Variants in MND1 observed in about 807,000 individuals in gnomAD.
MND1 encodes meiotic nuclear divisions 1.
Under a neutral mutation model 35.1 loss-of-function variants are expected in MND1, and 28 were observed. That is an observed-to-expected ratio of 0.80 (90% confidence interval 0.59 to 1.09). The LOEUF is 1.09. Ranked by LOEUF, MND1 falls within the 50% of genes least tolerant of loss-of-function variation. MND1 has a pLI of 0.00. For synonymous variants in MND1, 69 were observed against 70.5 expected (o/e 0.98, Z 0.11); for missense variants, 213 against 239.6 (o/e 0.89, Z 0.73).
intron 5 of MND1, among the ~76,000 whole-genome samples, chr4:153,395,165 T>C (rs1204798138): frequency 6.6e-6 from 1 of 152,246 alleles, no homozygotes; most frequent in Non-Finnish European, 1.5e-5. Flanking sequence ...AATTGGAGAA[T>C]AGTCATTTCT....
chr4:153,390,725 G>C (rs1465416908), intron 4 of MND1, among the ~76,000 whole-genome samples: 1 of 152,110 alleles, frequency 6.6e-6, no homozygotes, highest in Non-Finnish European at 1.5e-5. Flanking sequence ...GCATGTGTCT[G>C]TGGTTCCAGC....
Position 153,393,924 on chromosome 4 carries a change from C to CTTTTTTT in MND1, c.277-320_277-314dup, listed in dbSNP as rs36028750. On this transcript the variant is annotated intron_variant, in intron 4 of 7. Transcript: ENST00000240488. ...CCAGTATAGTGTTTGACTTTGTTTT[C>CTTTTTTT]TTTTTTTTTTTTTTTTTTTTTTTTG... Among the ~76,000 whole-genome samples the CTTTTTTT allele has an allele frequency of 4.4e-3, 246 of 56,484 alleles. 30 individuals carry two copies. The highest frequency in any genetic ancestry group is 6.0e-3 in the South Asian group (7 of 1,164). The allele number at this position is 56,484 out of a possible 152,430, so 37.1% of individuals were successfully genotyped here. A position where few individuals can be genotyped will look rare whatever the true frequency, so the allele number is the denominator to read the frequency against.
rs1220322188 is a variant in MND1, at chr4:153,405,375, T to TA, written c.467-3591dup. On this transcript the variant is annotated intron_variant, in intron 6 of 7. Transcript: ENST00000240488. ...TAACACGGTGAAACCCCATCTCTAC[T>TA]AAAAATATAAAAAATTAGCCAGGCG... Among the ~76,000 whole-genome samples the TA allele has an allele frequency of 5.3e-5, 8 of 151,880 alleles. No homozygotes were observed. In the South Asian group the frequency reaches 1.7e-3, roughly 32 times the overall value.
Position 153,394,253 on chromosome 4 carries a change from A to T in MND1, c.277-9A>T, listed in dbSNP as rs767803768. 1.2e-6 allele frequency: 2 copies of T among 1,610,508 alleles called. No homozygotes were observed. Among genetic ancestry groups the T allele is most frequent in the Non-Finnish European group, 8.5e-7 (1 of 1,177,692 alleles). On this transcript the variant is annotated splice_polypyrimidine_tract_variant and intron_variant, in intron 4 of 7. Transcript: ENST00000240488. ...TAGCAAGCTGTTTTATTTGTTTTTG[A>T]TTCTCTAGTTGTCTGAGGGAAGTCA...
intron 4 of MND1, among the ~76,000 whole-genome samples, chr4:153,372,276 A>G (rs1184083343): frequency 6.6e-6 from 1 of 152,106 alleles, no homozygotes; most frequent in East Asian, 1.9e-4. Context: ...CTTAATTTGT[A>G]GAAAACACGC....
chr4:153,386,796 G>A (rs1728880014), intron 4 of MND1, among the ~76,000 whole-genome samples: 1 of 152,080 alleles, frequency 6.6e-6, no homozygotes, highest in East Asian at 1.9e-4. Context: ...AAATAGCAAG[G>A]CATAAGACAC....
intron 6 of MND1, among the ~76,000 whole-genome samples, chr4:153,401,077 A>G (rs144669629): frequency 0.03 from 4,588 of 152,304 alleles, 108 homozygotes; most frequent in South Asian, 0.14. Context: ...GAAATATCCA[A>G]AATGAAACAC....
chr4:153,384,374 A>G (rs1336172424), intron 4 of MND1, among the ~76,000 whole-genome samples: 2 of 131,136 alleles, frequency 1.5e-5, no homozygotes, highest in African/African-American at 2.9e-5. Context: ...GGCTCAAGTG[A>G]TCCTCATTCC....
chr4:153,364,251 T>G lies in MND1; in HGVS notation c.276+5629T>G, dbSNP rs1773568479. 3.3e-5 allele frequency among the ~76,000 whole-genome samples: 5 copies of G among 152,120 alleles called. 1 individual carries two copies. In the East Asian group the frequency reaches 7.7e-4, roughly 24 times the overall value. ...CCTATGATTCAACAATTCTGTGGTG[T>G]GCATCTGTGGTCTCAGCTACTTGGG... On this transcript the variant is annotated intron_variant, in intron 4 of 7. Transcript: ENST00000240488.
intron 1 of MND1, among the ~76,000 whole-genome samples, chr4:153,348,218 A>C (rs1773118919): frequency 2.0e-5 from 3 of 152,176 alleles, no homozygotes; most frequent in Admixed American, 2.0e-4. Context: ...ATGTGAGATA[A>C]GGAGGTGAAG....
At chr4:153,386,931 G>GTGT (rs1206196775) in intron 4 of MND1, among the ~76,000 whole-genome samples, 3 of 152,220 alleles carry the variant, frequency 2.0e-5, no homozygotes, top group African/African-American at 7.2e-5. Flanking sequence ...TCTGGGGAGG[G>GTGT]TGTTGTAGGG....
At chr4:153,348,430 T>G (rs1186297230) in intron 1 of MND1, among the ~76,000 whole-genome samples, 1 of 152,078 alleles carries the variant, frequency 6.6e-6, no homozygotes, top group South Asian at 2.1e-4. Flanking sequence ...ATGTAAAGAT[T>G]TGAGGTCTCA....
chr4:153,377,686 T>G (rs1728548557), intron 4 of MND1, among the ~76,000 whole-genome samples: 2 of 152,170 alleles, frequency 1.3e-5, no homozygotes, highest in Admixed American at 1.3e-4. Context: ...TGTAAGTTGG[T>G]GCTAGAAAGA....
chr4:153,349,109 T>C (rs1773147197), intron 1 of MND1, among the ~76,000 whole-genome samples: 1 of 145,686 alleles, frequency 6.9e-6, no homozygotes, highest in East Asian at 2.0e-4. Context: ...TTTTTTTTTT[T>C]TCTGTAAACC....
chr4:153,373,229 A>G (rs980655648), intron 4 of MND1, among the ~76,000 whole-genome samples: 1 of 152,096 alleles, frequency 6.6e-6, no homozygotes, highest in African/African-American at 2.4e-5. Flanking sequence ...ATCTTATCTC[A>G]ACTAGTCTCA....
rs976973293 is a variant in MND1 at position 153,394,258 on chromosome 4, C to G, written c.277-4C>G. On this transcript the variant is annotated splice_region_variant and splice_polypyrimidine_tract_variant and intron_variant, in intron 4 of 7. Coordinates refer to ENST00000240488, the MANE Select transcript of MND1 (RefSeq NM_032117.4). ...AGCTGTTTTATTTGTTTTTGATTCT[C>G]TAGTTGTCTGAGGGAAGTCAAAAGC... 7 of 1,610,988 alleles carry G rather than the reference C, an allele frequency of 4.3e-6. No individual in the cohort carries two copies. The highest frequency in any genetic ancestry group is 3.4e-6 in the Non-Finnish European group (4 of 1,178,126).
At chr4:153,361,369 A>G (rs897600748) in intron 4 of MND1, 8 of 430,120 alleles carry the variant, frequency 1.9e-5, no homozygotes, top group Non-Finnish European at 9.2e-6. Flanking sequence ...ATGTTTTGCT[A>G]TCATTCTGAT....
intron 5 of MND1, among the ~76,000 whole-genome samples, chr4:153,395,112 C>T (rs1427173376): frequency 1.3e-5 from 2 of 152,174 alleles, no homozygotes; most frequent in African/African-American, 4.8e-5. Flanking sequence ...AGTTATTTCA[C>T]ATATATTCTT....
intron 4 of MND1, among the ~76,000 whole-genome samples, chr4:153,385,553 G>A (rs972986168): frequency 1.3e-5 from 2 of 151,524 alleles, no homozygotes; most frequent in Admixed American, 6.6e-5. Flanking sequence ...CTGCCTCTAC[G>A]AAAAATACAA....
Sources: allele counts gnomAD v4.1 joint callset (sites outside exome capture counted in the v4.1 genomes callset), GRCh38; gene constraint gnomAD v4.1.1; transcripts MANE v1.5; gene names NCBI Gene and HGNC (gene_info 2026-07-23, HGNC 2026-07-21).